ESYT2: variants seen among roughly 807,000 people sequenced by gnomAD.
ESYT2 encodes extended synaptotagmin-2.
ESYT2 carries 54 observed loss-of-function variants against 107.2 expected under a neutral mutation model. The ratio of observed to expected loss-of-function variants is 0.50; its 90% CI spans 0.40 to 0.63. ESYT2 has a LOEUF of 0.63. Ranked by LOEUF, ESYT2 falls within the 30% of genes least tolerant of loss-of-function variation. The pLI is 0.00. For synonymous variants in ESYT2, 491 were observed against 434.1 expected (o/e 1.13, Z -1.63); for missense variants, 1,020 against 1,094.5 (o/e 0.93, Z 0.96).
intron 17 of ESYT2, among the ~76,000 whole-genome samples, chr7:158,742,160 A>C (rs35535423): frequency 2.6e-5 from 4 of 151,950 alleles, no homozygotes; most frequent in African/African-American, 9.7e-5. Flanking sequence ...GCACTACACC[A>C]CAAGCTCCTG....
At chr7:158,764,035 A>T (rs1431834722) in intron 9 of ESYT2, among the ~76,000 whole-genome samples, 1 of 152,168 alleles carries the variant, frequency 6.6e-6, no homozygotes, top group Non-Finnish European at 1.5e-5. Context: ...AGTATAAATC[A>T]CACGACTGTC....
intron 1 of ESYT2, among the ~76,000 whole-genome samples, chr7:158,811,958 G>C (rs549886489): frequency 7.9e-5 from 12 of 152,232 alleles, no homozygotes; most frequent in Non-Finnish European, 1.8e-4. Context: ...AGAGCTTCTG[G>C]CAAGATGCTG....
Position 158,764,776 on chromosome 7 carries a change from T to C in ESYT2, c.1002A>G (p.Gly334=), listed in dbSNP as rs764148538. 7 of 1,614,200 alleles carry C rather than the reference T, an allele frequency of 4.3e-6. No individual in the cohort carries two copies. In the South Asian group the frequency reaches 6.6e-5, roughly 15 times the overall value. The change falls in exon 9 of 23, where the codon GGA becomes GGG. Residue 334 remains glycine, a synonymous_variant. Coordinates refer to ENST00000275418, the MANE Select transcript of ESYT2 (RefSeq NM_001367773.1). ...KDTYLKGLVK[G]KSDPYGIIRV... is the part of the protein sequence containing the mutation. ...TAATGATTCCATAGGGGTCTGACTT[T>C]CCCTTGACAAGTCCCTTAAGGTAAG...
At chr7:158,785,188 C>T (rs913448283) in intron 6 of ESYT2, among the ~76,000 whole-genome samples, 2 of 152,110 alleles carry the variant, frequency 1.3e-5, no homozygotes, top group African/African-American at 4.8e-5. Context: ...TCTGGGAGGC[C>T]AAGGTGGGTG....
chr7:158,774,974 A>G (rs1161269126), intron 6 of ESYT2, among the ~76,000 whole-genome samples: 2 of 152,224 alleles, frequency 1.3e-5, no homozygotes. Context: ...AACAGGAAAG[A>G]GAATACAATT....
intron 13 of ESYT2, 104 bp from the exon 14 acceptor site, chr7:158,752,947 A>C: frequency 2.7e-6 from 2 of 728,498 alleles, no homozygotes; most frequent in Non-Finnish European, 3.9e-6. Flanking sequence ...AACAAACAAA[A>C]ATCTTTAAAC....
chr7:158,800,729 C>CTTTT (rs749928921), intron 1 of ESYT2, among the ~76,000 whole-genome samples: 1 of 118,520 alleles, frequency 8.4e-6, no homozygotes, highest in African/African-American at 3.3e-5. Context: ...TTTTTCTTTT[C>CTTTT]TTTTCTTTTT....
intron 9 of ESYT2, 34 bp downstream of exon 9, chr7:158,764,643 C>A (rs765235080): frequency 8.1e-6 from 13 of 1,605,298 alleles, no homozygotes; most frequent in Non-Finnish European, 1.1e-5. Flanking sequence ...GCTCAGCCCA[C>A]CACCCCAGCA....
chr7:158,779,933 T>G (rs376493250), intron 6 of ESYT2, among the ~76,000 whole-genome samples: 85 of 152,350 alleles, frequency 5.6e-4, no homozygotes, highest in African/African-American at 2.0e-3. Context: ...ACAAGACACT[T>G]AAGTGGTCAG....
chr7:158,762,758 C>T (rs842437), intron 10 of ESYT2, among the ~76,000 whole-genome samples: 99,110 of 152,064 alleles, frequency 0.65, 34,658 homozygotes, highest in Non-Finnish European at 0.78. Flanking sequence ...CTCAATACGG[C>T]GGCAGGTTCT....
intron 14 of ESYT2, among the ~76,000 whole-genome samples, chr7:158,750,263 A>C (rs964372424): frequency 1.3e-5 from 2 of 152,136 alleles, no homozygotes; most frequent in Admixed American, 1.3e-4. Flanking sequence ...CTGGAAGAAT[A>C]ATCATCAGTT....
intron 6 of ESYT2, among the ~76,000 whole-genome samples, chr7:158,781,281 G>A (rs1838785736): frequency 8.9e-6 from 1 of 112,010 alleles, no homozygotes; most frequent in Admixed American, 9.8e-5. Context: ...GTGAACGAGT[G>A]TGAGAACAGT....
chr7:158,788,029 A>G lies in ESYT2; in HGVS notation c.722T>C (p.Leu241Ser), dbSNP rs1839167133. 1 of 1,614,006 alleles carries G rather than the reference A, an allele frequency of 6.2e-7. No homozygotes were observed. The highest frequency in any genetic ancestry group is 8.5e-7 in the Non-Finnish European group (1 of 1,179,864). The change falls in exon 6 of 23, where the codon TTG becomes TCG. Residue 241 changes from leucine to serine, a missense_variant. Physicochemically the swap from Leu to Ser is moderately radical, Grantham distance 145. Transcript: ENST00000275418. ...TGGTTTCCTAAGGAAGAAGATAGACAAAGCTCCAACTAAGGGCATATCTCC... is the reference window on the plus strand; with the variant it reads ...TGGTTTCCTAAGGAAGAAGATAGACGAAGCTCCAACTAAGGGCATATCTCC... ...LIGDMPLVGA[L>S]SIFFLRKPLL...
intron 4 of ESYT2, among the ~76,000 whole-genome samples, chr7:158,791,675 T>C (rs1182832799): frequency 2.0e-5 from 3 of 152,382 alleles, no homozygotes; most frequent in Admixed American, 6.5e-5. Context: ...TGGTTAGTGA[T>C]GGTCAGTATC....
chr7:158,758,812 A>G (rs1043923085), intron 13 of ESYT2, among the ~76,000 whole-genome samples: 1 of 152,242 alleles, frequency 6.6e-6, no homozygotes. Flanking sequence ...ACTATGCCTC[A>G]CAAGATGGAA....
chr7:158,798,724 T>A (rs1413356222), intron 2 of ESYT2, among the ~76,000 whole-genome samples: 1 of 151,874 alleles, frequency 6.6e-6, no homozygotes, highest in Non-Finnish European at 1.5e-5. Flanking sequence ...TTCTTTGTCA[T>A]GTTTTTTAAA....
chr7:158,788,482 C>G (rs1839182297), intron 4 of ESYT2, 65 bp from the exon 5 acceptor site: 1 of 1,320,700 alleles, frequency 7.6e-7, no homozygotes, highest in Non-Finnish European at 1.1e-6. Flanking sequence ...CATTATAGAC[C>G]TGCAAGATGT....
rs1353406777 is a variant in ESYT2 at position 158,799,221 on chromosome 7, T to C, written c.331-149A>G. Reference sequence around the variant, plus strand: ...TGCTCTAAAGCTTGGGAAACTGGTCTCCAAGGAGGGAAAGTGAAATGCATG... The same window carrying C: ...TGCTCTAAAGCTTGGGAAACTGGTCCCCAAGGAGGGAAAGTGAAATGCATG... On this transcript the variant is annotated intron_variant, in intron 1 of 22. Coordinates refer to ENST00000275418, the MANE Select transcript of ESYT2 (RefSeq NM_001367773.1). The C allele has an allele frequency of 4.4e-6, 3 of 687,956 alleles. No individual in the cohort carries two copies. The African/African-American group carries it at 5.4e-5, about 12-fold the overall frequency. The allele number at this position is 687,956 out of a possible 1,614,324, so 42.6% of individuals were successfully genotyped here.
chr7:158,769,675 AATC>A, intron 7 of ESYT2, among the ~76,000 whole-genome samples: 1 of 152,294 alleles, frequency 6.6e-6, no homozygotes, highest in East Asian at 1.9e-4. Flanking sequence ...ACGGATATTT[AATC>A]ATAATTTTCA....
Sources: gnomAD v4.1 joint callset for allele counts (sites outside exome capture counted in the v4.1 genomes callset) on GRCh38, gnomAD v4.1.1 for gene constraint, MANE v1.5 for transcripts, NCBI Gene and HGNC (gene_info 2026-07-23, HGNC 2026-07-21) for gene names.